The following RGS7BP variants were observed in gnomAD, a reference collection of about 807,000 sequenced individuals.
RGS7BP encodes regulator of G protein signaling 7-binding protein.
Under a neutral mutation model 31.3 loss-of-function variants are expected in RGS7BP, and 9 were observed. The ratio of observed to expected loss-of-function variants is 0.29; its 90% CI spans 0.17 to 0.50. The LOEUF is 0.50. RGS7BP is among the 20% of genes least tolerant of loss of function. The pLI is 0.98. For missense variants in RGS7BP, 274 were observed against 322.0 expected, an observed-to-expected ratio of 0.85 and a Z score of 1.14; for synonymous variants, 115 against 120.1, an observed-to-expected ratio of 0.96 and a Z score of 0.28.
chr5:64,506,619 G>C lies in RGS7BP; in HGVS notation c.-6G>C. 1 of 1,592,324 alleles carries C rather than the reference G, an allele frequency of 6.3e-7. No homozygotes were observed. Among genetic ancestry groups the C allele is most frequent in the Non-Finnish European group, 8.6e-7 (1 of 1,163,728 alleles). On this transcript the variant is annotated 5_prime_UTR_variant, in exon 1 of 6. Transcript: ENST00000334025. This position sits in a 1 kb window ranked among gnomAD's most constrained non-coding sequence, Gnocchi z 4.6. ...CCAGCGGCTTCGGCTTGGTGGATGT[G>C]TATGCATGAGTTCTGCACCGAATGG... is the stretch of plus-strand genomic sequence containing the variant.
At chr5:64,609,010 C>T (rs951060888) in intron 5 of RGS7BP, 151 bp from the exon 6 acceptor site, 3 of 639,804 alleles carry the variant, frequency 4.7e-6, no homozygotes, top group Admixed American at 2.3e-5. Context: ...AGGACAGTAC[C>T]CCACAACCAA....
intron 3 of RGS7BP, among the ~76,000 whole-genome samples, chr5:64,593,207 A>G (rs1170063380): frequency 6.6e-6 from 1 of 152,182 alleles, no homozygotes; most frequent in African/African-American, 2.4e-5. Flanking sequence ...AGGTTCCACT[A>G]TAGGTTGGTG....
At chr5:64,565,115 A>G (rs1742138915) in intron 2 of RGS7BP, among the ~76,000 whole-genome samples, 1 of 152,152 alleles carries the variant, frequency 6.6e-6, no homozygotes. Flanking sequence ...TTTTCCGTAC[A>G]TAACCATACT....
At chr5:64,589,305 CA>C (rs1301175535) in intron 3 of RGS7BP, among the ~76,000 whole-genome samples, 10 of 144,790 alleles carry the variant, frequency 6.9e-5, no homozygotes, top group African/African-American at 2.0e-4. Flanking sequence ...CAAAAAAAAA[CA>C]AAAAAAAAAG....
chr5:64,609,185 C>A lies in RGS7BP; in HGVS notation c.707C>A (p.Thr236Asn), dbSNP rs756783840. The A allele has an allele frequency of 6.8e-6, 11 of 1,610,896 alleles. No individual in the cohort carries two copies. The East Asian group carries it at 2.2e-4, about 33-fold the overall frequency. Residue 236 changes from threonine to asparagine, a missense_variant, in exon 6 of 6, where the codon ACT (threonine) becomes AAT (asparagine). Thr to Asn is a moderately conservative substitution (Grantham distance 65). This residue lies in a region of RGS7BP where 112 missense variants were observed against 130.9 expected (regional missense o/e 0.86). Transcript: ENST00000334025. ...GATGACAGCAGCCTTCTGAATCTAA[C>A]TCCCTACCCCCTGGTGAGAAGACGG... is the stretch of plus-strand genomic sequence containing the variant. ...NQDDSSLLNL[T>N]PYPLVRRRKR...
At chr5:64,573,305 A>G (rs1742342697) in intron 2 of RGS7BP, among the ~76,000 whole-genome samples, 1 of 152,144 alleles carries the variant, frequency 6.6e-6, no homozygotes, top group Non-Finnish European at 1.5e-5. Flanking sequence ...TAGCTGTAAA[A>G]TAATAAACTA....
chr5:64,537,971 C>T (rs1289735328), intron 2 of RGS7BP, among the ~76,000 whole-genome samples: 1 of 152,184 alleles, frequency 6.6e-6, no homozygotes, highest in Non-Finnish European at 1.5e-5. Context: ...TAACCCTAGA[C>T]AGAACTAATG....
intron 5 of RGS7BP, among the ~76,000 whole-genome samples, chr5:64,598,923 C>A (rs149163855): frequency 6.6e-6 from 1 of 152,230 alleles, no homozygotes; most frequent in East Asian, 1.9e-4. Context: ...GAAACTGGCG[C>A]ACAGAAAGGT....
chr5:64,584,169 T>C (rs1371191124), intron 3 of RGS7BP, among the ~76,000 whole-genome samples: 2 of 152,190 alleles, frequency 1.3e-5, no homozygotes, highest in Non-Finnish European at 2.9e-5. Context: ...GTAGCACAGT[T>C]AGCTGAATTC....
chr5:64,540,254 G>A (rs763177132), intron 2 of RGS7BP, among the ~76,000 whole-genome samples: 11 of 152,106 alleles, frequency 7.2e-5, no homozygotes, highest in Non-Finnish European at 1.2e-4. Flanking sequence ...ACATCCTCAA[G>A]TATATAATTT....
intron 3 of RGS7BP, among the ~76,000 whole-genome samples, chr5:64,578,699 A>T (rs1198588503): frequency 6.6e-6 from 1 of 152,154 alleles, no homozygotes; most frequent in Non-Finnish European, 1.5e-5. Flanking sequence ...TTTCTCCCCC[A>T]TGCTGATGAA....
At chr5:64,576,426 T>C (rs1316644669) in intron 3 of RGS7BP, among the ~76,000 whole-genome samples, 1 of 152,218 alleles carries the variant, frequency 6.6e-6, no homozygotes, top group East Asian at 1.9e-4. Context: ...GGCTTCAGCA[T>C]GATTTCATTA....
At chr5:64,563,066 G>A (rs892438111) in intron 2 of RGS7BP, among the ~76,000 whole-genome samples, 3 of 151,788 alleles carry the variant, frequency 2.0e-5, no homozygotes, top group Non-Finnish European at 4.4e-5. Context: ...GGATCCTGAT[G>A]AAAAGTCACT....
intron 2 of RGS7BP, among the ~76,000 whole-genome samples, chr5:64,566,203 A>G (rs999358936): frequency 2.0e-5 from 3 of 152,022 alleles, no homozygotes; most frequent in Admixed American, 1.3e-4. Flanking sequence ...CCAACTTACT[A>G]CCCTCTTCCT....
At chr5:64,556,387 T>TA (rs11306593) in intron 2 of RGS7BP, among the ~76,000 whole-genome samples, 2,012 of 81,282 alleles carry the variant, frequency 0.025, 98 homozygotes, top group African/African-American at 0.097. Flanking sequence ...TCGTGATAAG[T>TA]AAAAAAAAAA....
intron 3 of RGS7BP, among the ~76,000 whole-genome samples, chr5:64,582,100 T>C (rs1288679975): frequency 2.0e-5 from 3 of 152,246 alleles, no homozygotes; most frequent in African/African-American, 7.2e-5. Context: ...CAAAGTCTAA[T>C]TTCTATGTTT....
At chr5:64,598,522 C>T (rs1743135830) in intron 5 of RGS7BP, 87 bp downstream of exon 5, 1 of 842,196 alleles carries the variant, frequency 1.2e-6, no homozygotes, top group Admixed American at 1.8e-5. Flanking sequence ...AAGCATGTGT[C>T]TCACACAAAC....
At chr5:64,511,307 G>GA (rs1475069652) in intron 2 of RGS7BP, among the ~76,000 whole-genome samples, 3 of 152,302 alleles carry the variant, frequency 2.0e-5, no homozygotes, top group Non-Finnish European at 4.4e-5. Flanking sequence ...TTCTTTCAAA[G>GA]GCATCAGATA....
chr5:64,570,158 A>C (rs1326765348), intron 2 of RGS7BP, among the ~76,000 whole-genome samples: 2 of 152,088 alleles, frequency 1.3e-5, no homozygotes, highest in Non-Finnish European at 2.9e-5. Flanking sequence ...AGACTTTTAT[A>C]GAATAGCAGA....
Sources: gnomAD v4.1 joint callset for allele counts (sites outside exome capture counted in the v4.1 genomes callset) on GRCh38, gnomAD v4.1.1 for gene constraint, gnomAD v4.1.1 regional missense constraint, Gnocchi (gnomAD v3.1) non-coding constraint, MANE v1.5 for transcripts, NCBI Gene and HGNC (gene_info 2026-07-23, HGNC 2026-07-21) for gene names.